Variants in DNAH8 observed in about 807,000 individuals in gnomAD.
The protein encoded by DNAH8 is dynein axonemal heavy chain 8.
A neutral mutation model predicts 562.1 loss-of-function variants in DNAH8; 382 were observed. The observed-to-expected ratio is 0.68, with a 90% confidence interval of 0.63 to 0.74. The LOEUF (loss-of-function observed/expected upper bound fraction) is 0.74. DNAH8 is among the 30% of genes least tolerant of loss of function. The pLI is 0.00. For missense variants in DNAH8, 5,203 were observed against 5,620.4 expected, an observed-to-expected ratio of 0.93 and a Z score of 2.37; for synonymous variants, 1,881 against 1,919.4, an observed-to-expected ratio of 0.98 and a Z score of 0.52.
At chr6:38,958,059 T>C (rs769796957) in intron 82 of DNAH8, among the ~76,000 whole-genome samples, 61 of 152,060 alleles carry the variant, frequency 4.0e-4, no homozygotes, top group Non-Finnish European at 3.8e-4. Context: ...TGGAATGCAG[T>C]GGTGAGATCT....
intron 91 of DNAH8, among the ~76,000 whole-genome samples, chr6:39,025,251 G>A (rs563032052): frequency 2.0e-5 from 3 of 152,162 alleles, no homozygotes; most frequent in Non-Finnish European, 2.9e-5. Context: ...TCTCAATTAC[G>A]CTTTCCCTGA....
At chr6:38,743,424 A>G (rs1036655329) in intron 8 of DNAH8, among the ~76,000 whole-genome samples, 2 of 152,166 alleles carry the variant, frequency 1.3e-5, no homozygotes, top group Admixed American at 1.3e-4. Flanking sequence ...TTATCCATTT[A>G]AAGTGAACAA....
chr6:38,919,349 G>A (rs1007577900), intron 70 of DNAH8, among the ~76,000 whole-genome samples: 2 of 152,148 alleles, frequency 1.3e-5, no homozygotes, highest in Admixed American at 6.5e-5. Context: ...TAGGCATAGG[G>A]CCAGCTTCTT....
intron 47 of DNAH8, among the ~76,000 whole-genome samples, chr6:38,867,231 ATGTGTGTG>A (rs70981595): frequency 6.7e-6 from 1 of 148,322 alleles, no homozygotes; most frequent in African/African-American, 2.5e-5. Context: ...GTGTGTGTAT[ATGTGTGTG>A]TGTGTGTGTG....
At chr6:38,930,498 G>A (rs1782474388) in intron 75 of DNAH8, among the ~76,000 whole-genome samples, 1 of 152,074 alleles carries the variant, frequency 6.6e-6, no homozygotes, top group Non-Finnish European at 1.5e-5. Flanking sequence ...AATTCATTCA[G>A]CAAAGGTTTA....
chr6:38,802,689 C>G (rs1770889390), intron 21 of DNAH8, among the ~76,000 whole-genome samples: 1 of 152,208 alleles, frequency 6.6e-6, no homozygotes, highest in Non-Finnish European at 1.5e-5. Context: ...TTACTCACCC[C>G]ATTACTCATC....
chr6:38,848,650 A>G lies in DNAH8; in HGVS notation c.5048A>G (p.Tyr1683Cys), dbSNP rs1336886097. The G allele has an allele frequency of 1.2e-6, 2 of 1,608,356 alleles. No homozygotes were observed. The highest frequency in any genetic ancestry group is 1.3e-5 in the African/African-American group (1 of 74,700). ...TTTTTTCCGTTCTTACCTTTTAGAT[A>G]CAATGCTCCATTTAAAAAAAATATC... The part of the protein sequence containing the change: ...MVLGSLLSNR[Y>C]NAPFKKNIQN... The change falls in exon 37 of 93, where the codon TAC becomes TGC. Residue 1683 changes from tyrosine to cysteine, a missense_variant and splice_region_variant. By Grantham distance (194) the Tyr-to-Cys change is radical. Transcript: ENST00000327475.
chr6:38,894,876 G>T lies in DNAH8; in HGVS notation c.8747+12G>T. ...GTAATTGCAGACAGGTGCGTGTTGC[G>T]GCACTAGAGTTTAAATGTATGACCT... is the stretch of plus-strand genomic sequence containing the variant. On this transcript the variant is annotated intron_variant, in intron 59 of 92. Coordinates refer to ENST00000327475, the MANE Select transcript of DNAH8 (RefSeq NM_001206927.2). 6.2e-7 allele frequency: 1 copy of T among 1,607,554 alleles called. No individual in the cohort carries two copies. Among genetic ancestry groups the T allele is most frequent in the Non-Finnish European group, 8.5e-7 (1 of 1,177,770 alleles).
Position 38,845,715 on chromosome 6 carries a change from G to T in DNAH8, c.4987G>T (p.Glu1663Ter). The change falls in exon 36 of 93, where the codon GAA becomes TAA. Residue 1663 changes from glutamate to a stop codon, truncating the protein, a stop_gained. Coordinates refer to ENST00000327475, the MANE Select transcript of DNAH8 (RefSeq NM_001206927.2). LOFTEE classifies it high-confidence loss of function. ...CCTGCTCAAAGGAACCGAATCGGGA[G>T]AAATTATCACTTTGATGGAGGATAG... is the stretch of plus-strand genomic sequence containing the variant. ...ELLLKGTESGEIITLMEDSLM... is the reference protein window; with the variant it reads ...ELLLKGTESG The T allele has an allele frequency of 6.2e-7, 1 of 1,613,968 alleles. No homozygotes were observed. The highest frequency in any genetic ancestry group is 8.5e-7 in the Non-Finnish European group (1 of 1,179,892).
intron 67 of DNAH8, among the ~76,000 whole-genome samples, chr6:38,914,817 G>A (rs182157050): frequency 3.5e-4 from 54 of 152,214 alleles, no homozygotes; most frequent in African/African-American, 1.2e-3. Flanking sequence ...GGCATATATG[G>A]TAAGCACTCA....
chr6:38,969,890 T>C (rs1763223007), intron 82 of DNAH8, among the ~76,000 whole-genome samples: 1 of 152,118 alleles, frequency 6.6e-6, no homozygotes, highest in Non-Finnish European at 1.5e-5. Context: ...GAGACCCCTC[T>C]GGCTGCTGTA....
chr6:38,794,166 G>A (rs1770013488), intron 21 of DNAH8, among the ~76,000 whole-genome samples: 1 of 152,150 alleles, frequency 6.6e-6, no homozygotes, highest in African/African-American at 2.4e-5. Flanking sequence ...CCAGCCCAGA[G>A]CCTCAACCAA....
intron 69 of DNAH8, 43 bp downstream of exon 69, chr6:38,917,449 G>T (rs1432507444): frequency 6.5e-7 from 1 of 1,543,590 alleles, no homozygotes; most frequent in Admixed American, 1.7e-5. Flanking sequence ...GCTGCATCAG[G>T]CGTCCTCAGC....
At chr6:39,010,092 C>T (rs1766086798) in intron 89 of DNAH8, among the ~76,000 whole-genome samples, 1 of 152,152 alleles carries the variant, frequency 6.6e-6, no homozygotes, top group Non-Finnish European at 1.5e-5. Context: ...GCTGTCCAGT[C>T]TTAGCTGGGG....
At chr6:38,721,315 T>G (rs1762729881) in intron 1 of DNAH8, among the ~76,000 whole-genome samples, 2 of 146,880 alleles carry the variant, frequency 1.4e-5, no homozygotes, top group South Asian at 4.4e-4. Context: ...CTTGTCTCTA[T>G]GAAAAATAAA....
Position 38,993,628 on chromosome 6 carries a change from T to C in DNAH8, c.13214+3456T>C, listed in dbSNP as rs60000729. 0.011 allele frequency among the ~76,000 whole-genome samples: 1,694 copies of C among 152,310 alleles called. 110 individuals carry two copies. The East Asian group carries it at 0.16, about 14-fold the overall frequency. On this transcript the variant is annotated intron_variant, in intron 88 of 92. Coordinates refer to ENST00000327475, the MANE Select transcript of DNAH8 (RefSeq NM_001206927.2). ...GTGTTTCTTTTTGCATGTACATACA[T>C]ATATACATATTGTTATTACCCTTTC...
intron 35 of DNAH8, 95 bp downstream of exon 35, chr6:38,842,998 C>A: frequency 7.4e-7 from 1 of 1,344,046 alleles, no homozygotes; most frequent in South Asian, 1.4e-5. Flanking sequence ...AGAGGTTGGA[C>A]TAATTGCCCT....
chr6:38,780,822 A>T (rs1195963417), intron 15 of DNAH8, among the ~76,000 whole-genome samples: 1 of 152,046 alleles, frequency 6.6e-6, no homozygotes, highest in Admixed American at 6.6e-5. Flanking sequence ...ACAAACAAAC[A>T]TGTAACCCTG....
At chr6:38,982,527 T>C in intron 86 of DNAH8, 65 bp downstream of exon 86, 1 of 904,906 alleles carries the variant, frequency 1.1e-6, no homozygotes, top group Non-Finnish European at 1.8e-6. Context: ...TCTACAGTCA[T>C]TTGAAGTCTA....
Sources: gnomAD v4.1 joint callset for allele counts (sites outside exome capture counted in the v4.1 genomes callset) on GRCh38, gnomAD v4.1.1 for gene constraint, MANE v1.5 for transcripts, NCBI Gene and HGNC (gene_info 2026-07-23, HGNC 2026-07-21) for gene names.